VPS13C: variants seen among roughly 807,000 people sequenced by gnomAD.
VPS13C encodes the protein intermembrane lipid transfer protein VPS13C.
VPS13C carries 358 observed loss-of-function variants against 456.8 expected under a neutral mutation model. That is an observed-to-expected ratio of 0.78 (90% confidence interval 0.72 to 0.86). The LOEUF (loss-of-function observed/expected upper bound fraction) is 0.86, where lower values mean the gene tolerates loss of function less well. VPS13C is among the 40% of genes least tolerant of loss of function. VPS13C has a pLI of 0.00. For synonymous variants in VPS13C, 1,578 were observed against 1,486.7 expected (o/e 1.06, Z -1.41); for missense variants, 4,818 against 4,385.4 (o/e 1.10, Z -2.79).
intron 67 of VPS13C, among the ~76,000 whole-genome samples, chr15:61,888,611 A>C (rs964674735): frequency 5.9e-5 from 9 of 152,182 alleles, no homozygotes; most frequent in Non-Finnish European, 1.2e-4. Context: ...AATAGGTTAC[A>C]TACTGCTTGA....
intron 1 of VPS13C, among the ~76,000 whole-genome samples, chr15:62,055,685 A>G (rs1346148805): frequency 6.6e-6 from 1 of 152,204 alleles, no homozygotes; most frequent in Non-Finnish European, 1.5e-5. Flanking sequence ...AGCAAAGATT[A>G]CGCATTTTTA....
intron 67 of VPS13C, 43 bp from the exon 68 acceptor site, chr15:61,884,312 T>G: frequency 6.3e-7 from 1 of 1,585,830 alleles, no homozygotes; most frequent in Admixed American, 1.8e-5. Context: ...AATATGTATT[T>G]AGGTCTGTGG....
rs185427914 is a variant in VPS13C, at chr15:62,056,238, T to C, written c.100+4037A>G. On this transcript the variant is annotated intron_variant, in intron 1 of 84. Coordinates refer to ENST00000644861, the MANE Select transcript of VPS13C (RefSeq NM_020821.3). ...ATAAAATATAAAACAAGAATAGTTA[T>C]ACCATATAGATCTTAGAGATATATG... 3.9e-5 allele frequency among the ~76,000 whole-genome samples: 6 copies of C among 152,360 alleles called. No individual in the cohort carries two copies. The East Asian group carries it at 1.2e-3, about 29-fold the overall frequency.
chr15:62,052,589 C>G (rs991305769), intron 1 of VPS13C, among the ~76,000 whole-genome samples: 1 of 143,814 alleles, frequency 7.0e-6, no homozygotes, highest in Non-Finnish European at 1.5e-5. Flanking sequence ...AGGAGAATGG[C>G]GTGAACCCAG....
At chr15:61,990,868 A>G in intron 18 of VPS13C, 132 bp downstream of exon 18, 3 of 638,786 alleles carry the variant, frequency 4.7e-6, no homozygotes, top group Non-Finnish European at 8.0e-6. Context: ...ACCTGACTGA[A>G]ACATTCAACC....
At chr15:62,019,309 G>A (rs1410143254) in intron 9 of VPS13C, among the ~76,000 whole-genome samples, 1 of 152,010 alleles carries the variant, frequency 6.6e-6, no homozygotes, top group African/African-American at 2.4e-5. Context: ...TCTGATCTTA[G>A]TTATTTCTTG....
At chr15:61,971,223 G>C (rs1314427628) in intron 27 of VPS13C, among the ~76,000 whole-genome samples, 6 of 152,132 alleles carry the variant, frequency 3.9e-5, no homozygotes, top group Non-Finnish European at 8.8e-5. Context: ...ATACTGAGCA[G>C]AGTAGTAACA....
intron 14 of VPS13C, among the ~76,000 whole-genome samples, chr15:62,008,187 C>T (rs2046916787): frequency 6.6e-6 from 1 of 151,856 alleles, no homozygotes. Context: ...GCCAAGATCG[C>T]GTCACCGCAC....
intron 66 of VPS13C, among the ~76,000 whole-genome samples, chr15:61,902,903 A>C (rs1210055868): frequency 6.6e-6 from 1 of 152,064 alleles, no homozygotes; most frequent in African/African-American, 2.4e-5. Context: ...AAAAAAGTCA[A>C]ATTATCCTCG....
At chr15:62,052,672 C>CAAAAAAA (rs35444089) in intron 1 of VPS13C, among the ~76,000 whole-genome samples, 10 of 70,526 alleles carry the variant, frequency 1.4e-4, no homozygotes, top group African/African-American at 3.5e-4. Context: ...GACTCCGTCT[C>CAAAAAAA]AAAAAAAAAA....
intron 35 of VPS13C, among the ~76,000 whole-genome samples, chr15:61,960,003 T>G (rs1293684328): frequency 6.6e-6 from 1 of 152,198 alleles, no homozygotes; most frequent in Non-Finnish European, 1.5e-5. Flanking sequence ...AAAGGTTTTC[T>G]CTAGGATTAT....
At chr15:61,879,037 C>T (rs968336237) in intron 73 of VPS13C, among the ~76,000 whole-genome samples, 3 of 151,958 alleles carry the variant, frequency 2.0e-5, no homozygotes, top group Non-Finnish European at 2.9e-5. Flanking sequence ...ACAAAAATGG[C>T]GTAATCATTT....
chr15:62,007,384 A>G lies in VPS13C; in HGVS notation c.1214T>C (p.Leu405Pro). 1 of 1,613,136 alleles carries G rather than the reference A, an allele frequency of 6.2e-7. No homozygotes were observed. Among genetic ancestry groups the G allele is most frequent in the Non-Finnish European group, 8.5e-7 (1 of 1,179,568 alleles). Residue 405 changes from leucine (L) to proline (P), a missense_variant, in exon 15 of 85, where the codon CTC becomes CCC. By Grantham distance (98) the Leu-to-Pro change is moderately conservative. This residue lies in a region of VPS13C where 4,552 missense variants were observed against 4,130.6 expected (regional missense o/e 1.10). Transcript: ENST00000644861. Reference protein sequence around the residue: ...WSNIKKHRQLLKSYKIAYKNK... With the variant: ...WSNIKKHRQLPKSYKIAYKNK... ...TTTGTAGGCAATTTTATAACTCTTG[A>G]GTAACTGCCTGTGCTTTTTTATGTT...
Position 61,991,056 on chromosome 15 carries a change from G to C in VPS13C, c.1522C>G (p.Leu508Val). 6.2e-7 allele frequency: 1 copy of C among 1,612,400 alleles called. No individual in the cohort carries two copies. The highest frequency in any genetic ancestry group is 1.1e-5 in the South Asian group (1 of 90,678). The change falls in exon 18 of 85, where the codon CTC becomes GTC. Residue 508 changes from leucine (L) to valine (V), a missense_variant. Physicochemically the swap from Leu to Val is conservative, Grantham distance 32. Around this residue, in one of 3 missense-constraint regions of VPS13C, gnomAD observed 4,552 missense variants for 4,130.6 expected, o/e 1.10. Coordinates refer to ENST00000644861, the MANE Select transcript of VPS13C (RefSeq NM_020821.3). ...DLMTPEEKDKLFTAIGYSEST... is the reference protein window; with the variant it reads ...DLMTPEEKDKVFTAIGYSEST... ...TCACTATAACCAATGGCAGTGAAGA[G>C]TTTATCTTTTTCCTCTGGAGTCATA...
At chr15:62,036,947 T>C (rs1015217133) in intron 3 of VPS13C, among the ~76,000 whole-genome samples, 2 of 150,902 alleles carry the variant, frequency 1.3e-5, no homozygotes, top group Admixed American at 1.3e-4. Flanking sequence ...AGGTATAATA[T>C]TTTAACCTAA....
At chr15:62,039,111 T>A (rs2048157031) in intron 3 of VPS13C, among the ~76,000 whole-genome samples, 1 of 151,954 alleles carries the variant, frequency 6.6e-6, no homozygotes, top group African/African-American at 2.4e-5. Context: ...AATAAGTCAT[T>A]ATATAAAAAG....
chr15:61,870,071 A>C (rs972636086), intron 79 of VPS13C, among the ~76,000 whole-genome samples: 1 of 152,250 alleles, frequency 6.6e-6, no homozygotes, highest in Non-Finnish European at 1.5e-5. Flanking sequence ...AATGCAATTC[A>C]TATACCATAA....
At chr15:61,903,793 A>C (rs796898700) in intron 66 of VPS13C, among the ~76,000 whole-genome samples, 2 of 152,172 alleles carry the variant, frequency 1.3e-5, no homozygotes, top group Non-Finnish European at 2.9e-5. Flanking sequence ...AAACAGACCA[A>C]TGGAACAAAA....
rs570491486 is a variant in VPS13C at position 62,031,978 on chromosome 15, A to T, written c.385+1463T>A. Reference sequence around the variant, plus strand: ...GAAAACACTAACATATTTTTAGGCAAATATAATTATGCTCCATTTTTTAAA... The same window carrying T: ...GAAAACACTAACATATTTTTAGGCATATATAATTATGCTCCATTTTTTAAA... On this transcript the variant is annotated intron_variant, in intron 5 of 84. Transcript: ENST00000644861. 9.2e-5 allele frequency among the ~76,000 whole-genome samples: 14 copies of T among 152,028 alleles called. No individual in the cohort carries two copies. The South Asian group carries it at 2.9e-3, about 32-fold the overall frequency.
Sources: allele counts gnomAD v4.1 joint callset (sites outside exome capture counted in the v4.1 genomes callset), GRCh38; gene constraint gnomAD v4.1.1; regional missense constraint gnomAD v4.1.1; transcripts MANE v1.5; gene names NCBI Gene and HGNC (gene_info 2026-07-23, HGNC 2026-07-21).